Variants in OGN observed in about 807,000 individuals in gnomAD.
OGN encodes the protein mimecan.
Under a neutral mutation model 30.8 loss-of-function variants are expected in OGN, and 19 were observed. The ratio of observed to expected loss-of-function variants is 0.62; its 90% CI spans 0.43 to 0.90. The LOEUF is 0.90. Among genes scored for constraint, OGN ranks in the 40% least tolerant of loss-of-function variants. OGN has a pLI of 0.00. For missense variants in OGN, 283 were observed against 349.7 expected (o/e 0.81, Z 1.52); for synonymous variants, 126 against 128.3 (o/e 0.98, Z 0.12).
At chr9:92,394,684 A>G (rs965173679) in intron 3 of OGN, among the ~76,000 whole-genome samples, 3 of 149,220 alleles carry the variant, frequency 2.0e-5, no homozygotes, top group African/African-American at 5.0e-5. Flanking sequence ...GGCTCACTGC[A>G]GTCTCCGCCT....
chr9:92,403,316 T>A lies in OGN; in HGVS notation c.92A>T (p.Tyr31Phe), dbSNP rs1843195743. The change falls in exon 2 of 7, where the codon TAT becomes TTT. Residue 31 changes from tyrosine to phenylalanine, a missense_variant. Physicochemically the swap from Tyr to Phe is conservative, Grantham distance 22. Coordinates refer to ENST00000375561, the MANE Select transcript of OGN (RefSeq NM_014057.5). The part of the protein sequence containing the change: ...PPTQQDSRII[Y>F]DYGTDNFEES... ...TTCAAAATTATCTGTTCCATAATCA[T>A]AGATAATGCGTGAGTCCTGCTGGGT... The A allele has an allele frequency of 6.2e-7, 1 of 1,612,580 alleles. No individual in the cohort carries two copies. Among genetic ancestry groups the A allele is most frequent in the African/African-American group, 1.3e-5 (1 of 74,890 alleles).
rs1300866539 is a variant in OGN at position 92,400,610 on chromosome 9, G to GT, written c.268+481dup. ...ATGTGAAATAATGTTCTGTGATAGA[G>GT]TAAGAGTAAGCCAAGTACACAGGAA... On this transcript the variant is annotated intron_variant, in intron 3 of 6. Coordinates refer to ENST00000375561, the MANE Select transcript of OGN (RefSeq NM_014057.5). 4.6e-5 allele frequency among the ~76,000 whole-genome samples: 7 copies of GT among 152,306 alleles called. No homozygotes were observed. In the South Asian group the frequency reaches 1.2e-3, roughly 27 times the overall value.
At chr9:92,395,474 T>G (rs1842857163) in intron 3 of OGN, among the ~76,000 whole-genome samples, 1 of 152,244 alleles carries the variant, frequency 6.6e-6, no homozygotes, top group Non-Finnish European at 1.5e-5. Context: ...CAAAGAAATT[T>G]ATGTGTAAGT....
chr9:92,399,118 G>C (rs1025767791), intron 3 of OGN, among the ~76,000 whole-genome samples: 4 of 150,476 alleles, frequency 2.7e-5, no homozygotes, highest in African/African-American at 9.7e-5. Flanking sequence ...TTTTTATTTT[G>C]TTAGATATTG....
chr9:92,387,341 A>C (rs866005542), intron 5 of OGN, among the ~76,000 whole-genome samples: 2 of 150,960 alleles, frequency 1.3e-5, no homozygotes, highest in African/African-American at 4.9e-5. Flanking sequence ...GTGCCACTGC[A>C]CTCCAGCCTG....
At chr9:92,397,868 C>T (rs1011119591) in intron 3 of OGN, among the ~76,000 whole-genome samples, 1 of 152,148 alleles carries the variant, frequency 6.6e-6, no homozygotes, top group Admixed American at 6.5e-5. Flanking sequence ...TATACATACA[C>T]ACACATAGAG....
At chr9:92,403,746 TG>T in intron 1 of OGN, 3 of 678,616 alleles carry the variant, frequency 4.4e-6, no homozygotes, top group South Asian at 6.8e-5. Context: ...AATATTTAAT[TG>T]AAATATTCTT....
intron 5 of OGN, among the ~76,000 whole-genome samples, chr9:92,388,166 CT>C (rs1000070619): frequency 3.8e-4 from 58 of 150,750 alleles, no homozygotes; most frequent in Admixed American, 1.4e-3. Flanking sequence ...TGATCAGCTC[CT>C]TTTTTTTTGG....
chr9:92,391,049 G>GA lies in OGN; in HGVS notation c.428-994dup, dbSNP rs1349411296. On this transcript the variant is annotated intron_variant, in intron 4 of 6. Coordinates refer to ENST00000375561, the MANE Select transcript of OGN (RefSeq NM_014057.5). ...GGAGGCCAAGGTGGGCAGATCACTT[G>GA]AGGTCAGGAGTTCGAGACCAGCCTG... Among the ~76,000 whole-genome samples, 6 of 151,978 alleles carry GA rather than the reference G, an allele frequency of 3.9e-5. No individual in the cohort carries two copies. In the East Asian group the frequency reaches 1.2e-3, roughly 29 times the overall value.
At chr9:92,388,547 CAA>C (rs111602359) in intron 5 of OGN, among the ~76,000 whole-genome samples, 4 of 138,416 alleles carry the variant, frequency 2.9e-5, no homozygotes, top group African/African-American at 1.0e-4. Context: ...AACTTTAAAA[CAA>C]AAAAAAAAAG....
chr9:92,392,887 A>G (rs567823390), intron 4 of OGN, among the ~76,000 whole-genome samples, 199 bp downstream of exon 4: 13 of 152,302 alleles, frequency 8.5e-5, no homozygotes, highest in Non-Finnish European at 1.3e-4. Flanking sequence ...GTCACCAGTA[A>G]AGAAAGATCA....
intron 5 of OGN, among the ~76,000 whole-genome samples, chr9:92,389,433 A>C (rs1188145424): frequency 6.6e-6 from 1 of 152,206 alleles, no homozygotes; most frequent in East Asian, 1.9e-4. Flanking sequence ...TAAATATTAA[A>C]AGTTAAATTC....
chr9:92,385,553 T>A lies in OGN; in HGVS notation c.*67A>T. ...AATATTAAACCAATACTTAAGTTCC[T>A]TTACTCATTGTTGAGACAGACTATT... On this transcript the variant is annotated 3_prime_UTR_variant, in exon 7 of 7. Coordinates refer to ENST00000375561, the MANE Select transcript of OGN (RefSeq NM_014057.5). 3.6e-6 allele frequency: 5 copies of A among 1,372,596 alleles called. 1 individual carries two copies. Among genetic ancestry groups the A allele is most frequent in the Middle Eastern group, 1.8e-4 (1 of 5,436 alleles). The allele number at this position is 1,372,596 out of a possible 1,614,324, so 85.0% of individuals were successfully genotyped here.
intron 5 of OGN, among the ~76,000 whole-genome samples, chr9:92,387,053 G>GAAAAAAAAAAA (rs903436031): frequency 2.0e-5 from 1 of 50,174 alleles, no homozygotes; most frequent in Admixed American, 2.6e-4. Context: ...GTCTCAAAAA[G>GAAAAAAAAAAA]AAAAAAAAAA....
chr9:92,386,502 T>A (rs182473363), intron 5 of OGN, among the ~76,000 whole-genome samples: 33 of 152,322 alleles, frequency 2.2e-4, no homozygotes, highest in Admixed American at 1.5e-3. Context: ...TTTGATCCTT[T>A]ATGATGGCCA....
Position 92,393,257 on chromosome 9 carries a change from T to TA in OGN, c.269-14dup. On this transcript the variant is annotated splice_polypyrimidine_tract_variant and intron_variant, in intron 3 of 6. Transcript: ENST00000375561. ...CACGTGGGCATTTCTAAATTGGGAA[T>TA]AAAATCATAAAAATATGAACAATCG... is the stretch of plus-strand genomic sequence containing the variant. 2 of 1,563,678 alleles carry TA rather than the reference T, an allele frequency of 1.3e-6. No individual in the cohort carries two copies. The highest frequency in any genetic ancestry group is 1.7e-6 in the Non-Finnish European group (2 of 1,153,348).
intron 2 of OGN, 123 bp from the exon 3 acceptor site, chr9:92,401,308 G>GC: frequency 1.9e-6 from 1 of 537,862 alleles, no homozygotes; most frequent in Non-Finnish European, 3.3e-6. Context: ...GCTCCATTAG[G>GC]CTTTCATACA....
chr9:92,401,173 C>T lies in OGN; in HGVS notation c.187G>A (p.Val63Met), dbSNP rs769658744. 1.2e-5 allele frequency: 18 copies of T among 1,485,938 alleles called. No homozygotes were observed. Among genetic ancestry groups the T allele is most frequent in the Middle Eastern group, 3.7e-4 (2 of 5,430 alleles). 92.0% of individuals were successfully genotyped at this position (1,485,938 alleles called of 1,614,324 possible). Residue 63 changes from valine to methionine, a missense_variant, in exon 3 of 7, where the codon GTG becomes ATG. Val to Met is a conservative substitution (Grantham distance 21). Coordinates refer to ENST00000375561, the MANE Select transcript of OGN (RefSeq NM_014057.5). Reference protein sequence around the residue: ...DGKNIKEKETVIIPNEKSLQL... With the variant: ...DGKNIKEKETMIIPNEKSLQL... The stretch of plus-strand genomic sequence containing the variant: ...AGACTTTTCTCATTGGGTATTATCA[C>T]AGTTTCTTTTTCCTATTGGAAAAAT...
At chr9:92,400,277 G>A (rs1367368214) in intron 3 of OGN, among the ~76,000 whole-genome samples, 1 of 152,052 alleles carries the variant, frequency 6.6e-6, no homozygotes, top group African/African-American at 2.4e-5. Context: ...AGCTTCCCGA[G>A]TAGCTGGGAT....
Sources: allele counts gnomAD v4.1 joint callset (sites outside exome capture counted in the v4.1 genomes callset), GRCh38; gene constraint gnomAD v4.1.1; transcripts MANE v1.5; gene names NCBI Gene and HGNC (gene_info 2026-07-23, HGNC 2026-07-21).